COBLL1: variants seen among roughly 807,000 people sequenced by gnomAD.
COBLL1 encodes cordon-bleu WH2 repeat protein like 1.
COBLL1 carries 50 observed loss-of-function variants against 94.8 expected under a neutral mutation model. The observed-to-expected ratio is 0.53, with a 90% CI of 0.42 to 0.67. The LOEUF is 0.67. Ranked by LOEUF, COBLL1 falls within the 30% of genes least tolerant of loss-of-function variation. The probability of loss-of-function intolerance (pLI) is 0.00; values close to 1 mark genes in which losing one functional copy is unlikely to be tolerated. For synonymous variants in COBLL1, 448 were observed against 473.8 expected (o/e 0.95, Z 0.71); for missense variants, 1,362 against 1,348.7 (o/e 1.01, Z -0.15).
intron 10 of COBLL1, 25 bp from the exon 11 acceptor site, chr2:164,699,524 A>G (rs377692408): frequency 3.7e-6 from 5 of 1,356,376 alleles, no homozygotes; most frequent in Non-Finnish European, 5.3e-6. Flanking sequence ...ATTGTATGTT[A>G]TATGTTGATA....
upstream of COBLL1, chr2:164,841,858 C>G (rs1338330556): frequency 4.7e-6 from 4 of 851,298 alleles, no homozygotes; most frequent in East Asian, 8.6e-5. The surrounding 1 kb of genome is among the most constrained non-coding windows in gnomAD (Gnocchi z 5.5). Context: ...CTCAGCCCAG[C>G]GCGGGCAGGG....
intron 2 of COBLL1, among the ~76,000 whole-genome samples, chr2:164,760,842 A>G (rs1687645306): frequency 6.6e-6 from 1 of 152,366 alleles, no homozygotes; most frequent in Non-Finnish European, 1.5e-5. Flanking sequence ...TGTTGGCTTC[A>G]GTTCGTACCT....
intron 2 of COBLL1, among the ~76,000 whole-genome samples, chr2:164,832,680 T>C (rs1042238024): frequency 6.6e-6 from 1 of 152,218 alleles, no homozygotes; most frequent in Non-Finnish European, 1.5e-5. Flanking sequence ...CTCTGTCCTA[T>C]TAAACCATAC....
At chr2:164,720,126 TAAA>T (rs982043712) in intron 7 of COBLL1, among the ~76,000 whole-genome samples, 90 of 152,170 alleles carry the variant, frequency 5.9e-4, no homozygotes, top group African/African-American at 1.9e-3. Context: ...AATGAATAAA[TAAA>T]AAATGGTTCT....
At chr2:164,716,187 C>G (rs1012502564) in intron 7 of COBLL1, among the ~76,000 whole-genome samples, 37 of 152,274 alleles carry the variant, frequency 2.4e-4, no homozygotes, top group African/African-American at 7.7e-4. Flanking sequence ...TCTGAGAATT[C>G]TAAGTCACTT....
rs1683314953 is a variant in COBLL1 at position 164,686,745 on chromosome 2, T to C, written c.3301-713A>G. Among the ~76,000 whole-genome samples the C allele has an allele frequency of 2.6e-5, 4 of 152,270 alleles. No individual in the cohort carries two copies. The South Asian group carries it at 8.3e-4, about 32-fold the overall frequency. ...CCAGCTTTTGAAAAATGTAAAGTCATCTGTATTCTGAATAGTAAATACCTA... is the reference window on the plus strand; with the variant it reads ...CCAGCTTTTGAAAAATGTAAAGTCACCTGTATTCTGAATAGTAAATACCTA... On this transcript the variant is annotated intron_variant, in intron 13 of 13. Coordinates refer to ENST00000652658, the MANE Select transcript of COBLL1 (RefSeq NM_001365672.2).
At chr2:164,724,967 C>T (rs1265077828) in intron 5 of COBLL1, 5 of 151,592 alleles carry the variant, frequency 3.3e-5, no homozygotes, top group East Asian at 1.9e-4. Flanking sequence ...ATAACGAACA[C>T]GTAGATAGCA....
At chr2:164,750,688 T>C (rs565296643) in intron 2 of COBLL1, among the ~76,000 whole-genome samples, 1 of 152,320 alleles carries the variant, frequency 6.6e-6, no homozygotes, top group South Asian at 2.1e-4. Flanking sequence ...CACATCTCTC[T>C]AATCCTTCAC....
Position 164,743,810 on chromosome 2 carries a change from G to C in COBLL1, c.107C>G (p.Ala36Gly). Residue 36 changes from alanine to glycine, a missense_variant, in exon 3 of 14, where the codon GCT (alanine) becomes GGT (glycine). Physicochemically the swap from Ala to Gly is moderately conservative, Grantham distance 60. Coordinates refer to ENST00000652658, the MANE Select transcript of COBLL1 (RefSeq NM_001365672.2). ...AGCAGTGGATTCTACAGAATCAGCA[G>C]CTGAAGAGACATCAGTATATTTGGT... is the stretch of plus-strand genomic sequence containing the variant. Reference protein sequence around the residue: ...AETKYTDVSSAADSVESTAFI... With the variant: ...AETKYTDVSSGADSVESTAFI... 6.2e-7 allele frequency: 1 copy of C among 1,613,154 alleles called. No individual in the cohort carries two copies.
At chr2:164,805,329 C>T (rs866454300) in intron 2 of COBLL1, among the ~76,000 whole-genome samples, 1 of 22,672 alleles carries the variant, frequency 4.4e-5, no homozygotes, top group African/African-American at 1.7e-4. Flanking sequence ...CTCTCTCTCT[C>T]TCTCTCTCTA....
At chr2:164,838,915 T>A (rs1300004766) in intron 2 of COBLL1, among the ~76,000 whole-genome samples, 3 of 152,118 alleles carry the variant, frequency 2.0e-5, no homozygotes, top group Admixed American at 2.0e-4. Context: ...TATCTAGATA[T>A]TTTTCCCCCA....
chr2:164,688,590 T>G (rs1183272546), intron 13 of COBLL1, among the ~76,000 whole-genome samples: 2 of 152,176 alleles, frequency 1.3e-5, no homozygotes, highest in Non-Finnish European at 2.9e-5. Flanking sequence ...TTTAGGAATT[T>G]CACATAGCTT....
rs988133892 is a variant in COBLL1 at position 164,841,112 on chromosome 2, C to T, written c.41+44G>A. The T allele has an allele frequency of 4.1e-6, 5 of 1,228,846 alleles. No homozygotes were observed. In the South Asian group the frequency reaches 2.1e-4, roughly 51 times the overall value. The allele number at this position is 1,228,846 out of a possible 1,614,324, so 76.1% of individuals were successfully genotyped here. On this transcript the variant is annotated intron_variant, in intron 2 of 13. Transcript: ENST00000652658. The surrounding 1 kb of genome is among the most constrained non-coding windows in gnomAD (Gnocchi z 5.5). ...GCCGAGGCCTCGCTGTCCTCGCCGGCCTCGCCCTCCCCGGTGAGAGGCGGC... is the reference window on the plus strand; with the variant it reads ...GCCGAGGCCTCGCTGTCCTCGCCGGTCTCGCCCTCCCCGGTGAGAGGCGGC...
intron 2 of COBLL1, among the ~76,000 whole-genome samples, chr2:164,823,639 A>G (rs1217346152): frequency 2.6e-5 from 4 of 151,932 alleles, no homozygotes; most frequent in African/African-American, 9.7e-5. Context: ...TAACTTACCA[A>G]CTCATTCTCA....
intron 2 of COBLL1, among the ~76,000 whole-genome samples, chr2:164,796,879 G>C (rs1309504159): frequency 6.6e-6 from 1 of 152,028 alleles, no homozygotes; most frequent in South Asian, 2.1e-4. Flanking sequence ...GGAGGCTGAG[G>C]CAGGAGGATT....
chr2:164,733,757 T>C (rs1386979993), intron 3 of COBLL1, among the ~76,000 whole-genome samples: 1 of 152,240 alleles, frequency 6.6e-6, no homozygotes, highest in Non-Finnish European at 1.5e-5. Flanking sequence ...CATGTGGATC[T>C]TTCTATGGTT....
At chr2:164,829,482 C>G (rs1445662523) in intron 2 of COBLL1, among the ~76,000 whole-genome samples, 1 of 152,062 alleles carries the variant, frequency 6.6e-6, no homozygotes. Flanking sequence ...TTTAGCAAAG[C>G]ATGCATCTAC....
chr2:164,783,209 C>A (rs1688792298), intron 2 of COBLL1, among the ~76,000 whole-genome samples: 1 of 151,968 alleles, frequency 6.6e-6, no homozygotes, highest in Non-Finnish European at 1.5e-5. Context: ...CCAGATCAGC[C>A]TGGTCAACAT....
At chr2:164,665,324 C>A (rs1691137822) in intron 2 of COBLL1, among the ~76,000 whole-genome samples, 1 of 62,828 alleles carries the variant, frequency 1.6e-5, no homozygotes, top group African/African-American at 6.7e-5. Context: ...GAGCAAGATT[C>A]TGTGTCAAAA....
Sources: gnomAD v4.1 joint callset for allele counts (sites outside exome capture counted in the v4.1 genomes callset) on GRCh38, gnomAD v4.1.1 for gene constraint, Gnocchi (gnomAD v3.1) non-coding constraint, MANE v1.5 for transcripts, NCBI Gene and HGNC (gene_info 2026-07-23, HGNC 2026-07-21) for gene names.